Variants in MYO3B observed in about 807,000 individuals in gnomAD.
MYO3B encodes the protein myosin-IIIb.
MYO3B carries 156 observed loss-of-function variants against 174.6 expected under a neutral mutation model. The ratio of observed to expected loss-of-function variants is 0.89; its 90% confidence interval spans 0.78 to 1.02. The LOEUF (loss-of-function observed/expected upper bound fraction) is 1.02. Among genes scored for constraint, MYO3B ranks in the 50% least tolerant of loss-of-function variants. The pLI is 0.00. For synonymous variants in MYO3B, 563 were observed against 569.1 expected (o/e 0.99, Z 0.15); for missense variants, 1,632 against 1,639.4 (o/e 1.00, Z 0.08).
At chr2:170,368,482 T>G (rs902243778) in intron 8 of MYO3B, among the ~76,000 whole-genome samples, 1 of 152,240 alleles carries the variant, frequency 6.6e-6, no homozygotes, top group African/African-American at 2.4e-5. Context: ...CAAAATGTAC[T>G]GAATCATTGC....
chr2:170,330,818 C>A (rs1014095278), intron 7 of MYO3B, among the ~76,000 whole-genome samples: 1 of 152,182 alleles, frequency 6.6e-6, no homozygotes. Context: ...ATTCTTCAAA[C>A]CTGCTTGCTC....
chr2:170,463,487 A>T (rs12477518), intron 24 of MYO3B, 42 bp downstream of exon 24: 20 of 1,575,664 alleles, frequency 1.3e-5, no homozygotes, highest in South Asian at 1.0e-4. Context: ...GCTTCCAAAA[A>T]GGACTGTCTA....
In MYO3B at chr2:170,351,499, C is replaced by T. The variant is rs180705581; in HGVS notation, c.815+16049C>T. Reference sequence around the variant, plus strand: ...GGCCTGTGGCTGCCACAGTCATAGGCTCTTCCATATGCCCAATAAGACCAT... The same window carrying T: ...GGCCTGTGGCTGCCACAGTCATAGGTTCTTCCATATGCCCAATAAGACCAT... On this transcript the variant is annotated intron_variant, in intron 8 of 34. Transcript: ENST00000408978. Among the ~76,000 whole-genome samples the T allele has an allele frequency of 2.0e-4, 30 of 152,184 alleles. 1 individual carries two copies. Among genetic ancestry groups the T allele is most frequent in the Admixed American group, 1.7e-3 (26 of 15,284 alleles).
intron 7 of MYO3B, among the ~76,000 whole-genome samples, chr2:170,319,016 C>G (rs2093796129): frequency 6.6e-6 from 1 of 152,200 alleles, no homozygotes; most frequent in South Asian, 2.1e-4. Flanking sequence ...TACCCCAGAT[C>G]TCAGGTTTAG....
chr2:170,237,651 C>T (rs945940450), intron 7 of MYO3B, among the ~76,000 whole-genome samples: 1 of 152,184 alleles, frequency 6.6e-6, no homozygotes, highest in East Asian at 1.9e-4. Flanking sequence ...CACCACTCAT[C>T]TCTTCCATCT....
chr2:170,199,178 T>C, intron 1 of MYO3B, 30 bp from the exon 2 acceptor site: 1 of 1,524,782 alleles, frequency 6.6e-7, no homozygotes, highest in Non-Finnish European at 8.9e-7. Flanking sequence ...CTGTGATCTG[T>C]TGCACATAAC....
chr2:170,632,465 A>G (rs1697079280), intron 32 of MYO3B, among the ~76,000 whole-genome samples: 2 of 152,212 alleles, frequency 1.3e-5, no homozygotes, highest in Admixed American at 6.5e-5. Context: ...AATCTCTGGG[A>G]CACATTTAAA....
chr2:170,628,693 T>C (rs1696680475), intron 32 of MYO3B, among the ~76,000 whole-genome samples: 1 of 151,620 alleles, frequency 6.6e-6, no homozygotes, highest in African/African-American at 2.4e-5. Flanking sequence ...TATATTCTTA[T>C]AAATCAAACT....
intron 12 of MYO3B, among the ~76,000 whole-genome samples, chr2:170,384,287 G>A (rs775244138): frequency 3.3e-5 from 5 of 152,162 alleles, no homozygotes; most frequent in Non-Finnish European, 7.4e-5. Context: ...AATTGTGATA[G>A]ATTGGGTAGA....
intron 22 of MYO3B, among the ~76,000 whole-genome samples, chr2:170,428,393 C>A (rs999541905): frequency 1.3e-5 from 2 of 152,172 alleles, no homozygotes; most frequent in African/African-American, 4.8e-5. Flanking sequence ...TCTTATTTCC[C>A]CCACTTCAGG....
At position 170,361,980 on chromosome 2, in the gene MYO3B, G is replaced by A. The variant is rs186386647; in HGVS notation, c.816-7242G>A. On this transcript the variant is annotated intron_variant, in intron 8 of 34. Transcript: ENST00000408978. ...TTGACCAAGGGCTTAGAGATAGAGGGTAAAGAGGTTCCTGGTTGACAGGTT... is the reference window on the plus strand; with the variant it reads ...TTGACCAAGGGCTTAGAGATAGAGGATAAAGAGGTTCCTGGTTGACAGGTT... 2.6e-5 allele frequency among the ~76,000 whole-genome samples: 4 copies of A among 152,272 alleles called. No homozygotes were observed. In the East Asian group the frequency reaches 7.7e-4, roughly 29 times the overall value.
At chr2:170,366,116 C>G (rs577086467) in intron 8 of MYO3B, among the ~76,000 whole-genome samples, 6 of 152,150 alleles carry the variant, frequency 3.9e-5, no homozygotes, top group African/African-American at 1.2e-4. Flanking sequence ...CTGCATCATC[C>G]CTGTATGTAA....
At chr2:170,245,970 G>T (rs1363005373) in intron 7 of MYO3B, among the ~76,000 whole-genome samples, 1 of 152,072 alleles carries the variant, frequency 6.6e-6, no homozygotes, top group Non-Finnish European at 1.5e-5. Flanking sequence ...CAGTGCCTGG[G>T]TACCATTCCC....
intron 32 of MYO3B, among the ~76,000 whole-genome samples, chr2:170,592,776 A>G (rs947306475): frequency 1.3e-5 from 2 of 152,166 alleles, no homozygotes; most frequent in African/African-American, 4.8e-5. Context: ...GTTGGAATAC[A>G]TTAATGAATG....
At chr2:170,523,575 G>C (rs200935482) in intron 30 of MYO3B, among the ~76,000 whole-genome samples, 1 of 152,176 alleles carries the variant, frequency 6.6e-6, no homozygotes, top group Non-Finnish European at 1.5e-5. Context: ...AGGATCCCTC[G>C]AGACAAAAGG....
intron 32 of MYO3B, among the ~76,000 whole-genome samples, chr2:170,647,384 T>C (rs1698471480): frequency 6.6e-6 from 1 of 152,230 alleles, no homozygotes; most frequent in Non-Finnish European, 1.5e-5. Context: ...AATATGTCTG[T>C]ATTTAAGTTA....
At chr2:170,314,857 A>G (rs12692947) in intron 7 of MYO3B, among the ~76,000 whole-genome samples, 76,604 of 151,610 alleles carry the variant, frequency 0.51, 19,967 homozygotes, top group Middle Eastern at 0.67. Context: ...ACTACGCTAC[A>G]GCTGTATTAC....
intron 7 of MYO3B, among the ~76,000 whole-genome samples, chr2:170,299,918 A>G (rs2093654633): frequency 6.6e-6 from 1 of 152,240 alleles, no homozygotes; most frequent in South Asian, 2.1e-4. Flanking sequence ...GAAAGCATTC[A>G]TGTTTACATT....
chr2:170,322,826 C>T (rs9677999), intron 7 of MYO3B, among the ~76,000 whole-genome samples: 2,933 of 152,192 alleles, frequency 0.019, 29 homozygotes, highest in Non-Finnish European at 0.018. Flanking sequence ...AACTGTACAG[C>T]CTTCCTACCT....
Sources: allele counts gnomAD v4.1 joint callset (sites outside exome capture counted in the v4.1 genomes callset), GRCh38; gene constraint gnomAD v4.1.1; transcripts MANE v1.5; gene names NCBI Gene and HGNC (gene_info 2026-07-23, HGNC 2026-07-21).